IL3RA: variants seen among roughly 807,000 people sequenced by gnomAD.
IL3RA encodes the protein interleukin-3 receptor subunit alpha.
IL3RA carries 73 observed loss-of-function variants against 52.3 expected under a neutral mutation model. That is an observed-to-expected ratio of 1.40 (90% CI 1.16 to 1.70). The LOEUF (loss-of-function observed/expected upper bound fraction) is 1.70, where lower values mean the gene tolerates loss of function less well. Among genes scored for constraint, IL3RA ranks in the 40% most tolerant of loss-of-function variants. The pLI is 0.00. For missense variants in IL3RA, 664 were observed against 504.4 expected (o/e 1.32, Z -3.03); for synonymous variants, 260 against 194.0 (o/e 1.34, Z -2.83).
chrX:1,353,188 GACCCCCC>G, intron 6 of IL3RA, among the ~76,000 whole-genome samples: 1 of 141,892 alleles, frequency 7.0e-6, no homozygotes, highest in Non-Finnish European at 1.5e-5. Context: ...TGGGTCATGG[GACCCCCC>G]ATCATGGGTT....
intron 8 of IL3RA, among the ~76,000 whole-genome samples, chrX:1,362,459 T>C (rs1414541010): frequency 1.3e-5 from 2 of 151,898 alleles, no homozygotes; most frequent in African/African-American, 4.8e-5. Flanking sequence ...TGTCTCTCTC[T>C]GTTTCTATCT....
intron 1 of IL3RA, among the ~76,000 whole-genome samples, chrX:1,337,446 G>A (rs1205340303): frequency 6.6e-6 from 1 of 152,180 alleles, no homozygotes; most frequent in Admixed American, 6.6e-5. Context: ...CAGATGGCTG[G>A]TGAAACCTCA....
intron 2 of IL3RA, among the ~76,000 whole-genome samples, chrX:1,344,972 C>G (rs1337569073): frequency 6.8e-6 from 1 of 146,820 alleles, no homozygotes; most frequent in African/African-American, 2.5e-5. Flanking sequence ...ACCATCCTGG[C>G]TAACACGGTG....
At position 1,377,632 on chromosome X, in the gene IL3RA, C is replaced by T. The variant is rs765919607; in HGVS notation, c.875-1027C>T. 4.6e-5 allele frequency among the ~76,000 whole-genome samples: 7 copies of T among 150,986 alleles called. No homozygotes were observed. In the East Asian group the frequency reaches 1.4e-3, roughly 30 times the overall value. ...CCACCCTCGTTCCAAATAAGGTTAT[C>T]GTCATAGGTTCTGGGGGTGAGGTCA... On this transcript the variant is annotated intron_variant, in intron 9 of 11. Transcript: ENST00000331035.
At chrX:1,362,266 G>T (rs1325446205) in intron 8 of IL3RA, among the ~76,000 whole-genome samples, 2 of 145,702 alleles carry the variant, frequency 1.4e-5, no homozygotes, top group African/African-American at 5.2e-5. Context: ...CTGTTTTTCT[G>T]TCTCTTTTTC....
intron 2 of IL3RA, 25 bp from the exon 3 acceptor site, chrX:1,345,291 G>T (rs17884006): frequency 0.56 from 863,766 of 1,529,642 alleles, 246,390 homozygotes; most frequent in African/African-American, 0.75. Flanking sequence ...GTATCTCTTC[G>T]AACTCCAACC....
At chrX:1,348,221 C>T (rs754782990) in intron 3 of IL3RA, among the ~76,000 whole-genome samples, 18 of 150,312 alleles carry the variant, frequency 1.2e-4, no homozygotes, top group Non-Finnish European at 2.5e-4. Context: ...GGCGTGGTGG[C>T]GGGCACCTGT....
At chrX:1,358,640 C>CTGCATTCCTGCCACACCTGA (rs2086919874) in intron 7 of IL3RA, among the ~76,000 whole-genome samples, 1 of 152,164 alleles carries the variant, frequency 6.6e-6, no homozygotes, top group African/African-American at 2.4e-5. Flanking sequence ...GCCTGGGTGA[C>CTGCATTCCTGCCACACCTGA]GGAGTGAGAC....
intron 1 of IL3RA, among the ~76,000 whole-genome samples, chrX:1,341,485 C>T (rs1407790358): frequency 2.6e-5 from 4 of 152,168 alleles, no homozygotes; most frequent in African/African-American, 9.7e-5. Context: ...GGCATGCACA[C>T]ATATAGACCC....
intron 3 of IL3RA, among the ~76,000 whole-genome samples, chrX:1,346,272 C>G (rs1389837738): frequency 6.6e-6 from 1 of 151,764 alleles, no homozygotes; most frequent in Non-Finnish European, 1.5e-5. Context: ...AACCCCGCCT[C>G]CACTAAAAAT....
At chrX:1,378,535 C>A (rs1161294892) in intron 9 of IL3RA, 124 bp from the exon 10 acceptor site, 1 of 786,968 alleles carries the variant, frequency 1.3e-6, no homozygotes, top group African/African-American at 1.7e-5. Context: ...TGGGGTGTCC[C>A]CCCCTGGACG....
intron 10 of IL3RA, among the ~76,000 whole-genome samples, chrX:1,380,672 GGGTGGAGGA>G (rs1199736283): frequency 8.9e-6 from 1 of 112,954 alleles, no homozygotes; most frequent in African/African-American, 3.4e-5. Flanking sequence ...AGGGGGGAAG[GGGTGGAGGA>G]GGGAGGAAAA....
Position 1,370,205 on chromosome X carries a change from C to T in IL3RA, c.874+4953C>T, listed in dbSNP as rs1375903302. ...GATCTCAGACCTCCAGCCTCCAGGG[C>T]TGTGGGAGAATCAGTGTTTTGTTTC... On this transcript the variant is annotated intron_variant, in intron 9 of 11. Coordinates refer to ENST00000331035, the MANE Select transcript of IL3RA (RefSeq NM_002183.4). Among the ~76,000 whole-genome samples, 11 of 49,448 alleles carry T rather than the reference C, an allele frequency of 2.2e-4. 3 individuals are homozygous for T. The highest frequency in any genetic ancestry group is 2.9e-4 in the Non-Finnish European group (9 of 31,530). 32.4% of individuals were successfully genotyped at this position (49,448 alleles called of 152,430 possible). A position where few individuals can be genotyped will look rare whatever the true frequency, so the allele number is the denominator to read the frequency against.
Position 1,365,135 on chromosome X carries a change from C to T in IL3RA, c.760-3C>T. On this transcript the variant is annotated splice_region_variant and splice_polypyrimidine_tract_variant and intron_variant, in intron 8 of 11. Transcript: ENST00000331035. ...CTCTTCTTTATTTTCTTTCAAACCACAGGTCAGAGACAGAACCTCCTTCCA... is the reference window on the plus strand; with the variant it reads ...CTCTTCTTTATTTTCTTTCAAACCATAGGTCAGAGACAGAACCTCCTTCCA... The T allele has an allele frequency of 6.2e-7, 1 of 1,602,560 alleles. No homozygotes were observed. Among genetic ancestry groups the T allele is most frequent in the Non-Finnish European group, 8.5e-7 (1 of 1,171,480 alleles).
chrX:1,377,666 T>C (rs1458642321), intron 9 of IL3RA, among the ~76,000 whole-genome samples: 1 of 149,280 alleles, frequency 6.7e-6, no homozygotes, highest in Non-Finnish European at 1.5e-5. Context: ...CATAGATGTA[T>C]GTTTTTTTTT....
chrX:1,358,607 C>A (rs1477662091), intron 7 of IL3RA, among the ~76,000 whole-genome samples: 1 of 152,106 alleles, frequency 6.6e-6, no homozygotes, highest in African/African-American at 2.4e-5. Context: ...TGCAGTGAGC[C>A]GAGATCACGC....
At position 1,345,410 on chromosome X, in the gene IL3RA, TAAAGAC is replaced by T. The variant is rs1289178932; in HGVS notation, c.160_165del (p.Lys54_Asp55del). The T allele has an allele frequency of 7.5e-6, 12 of 1,606,128 alleles. No individual in the cohort carries two copies. The highest frequency in any genetic ancestry group is 1.0e-5 in the Non-Finnish European group (12 of 1,174,808). On this transcript the variant is annotated inframe_deletion, in exon 3 of 12. Coordinates refer to ENST00000331035, the MANE Select transcript of IL3RA (RefSeq NM_002183.4). ...GAAATGTGACCGATATCGAGTGTGT[TAAAGAC>T]GCCGACTATTCTATGCCGGTAAATC...
At chrX:1,345,957 A>T (rs1159596771) in intron 3 of IL3RA, among the ~76,000 whole-genome samples, 1 of 151,948 alleles carries the variant, frequency 6.6e-6, no homozygotes, top group Admixed American at 6.6e-5. Context: ...GGGACATCTA[A>T]GATGGCACAC....
Position 1,381,041 on chromosome X carries a change from ACT to A in IL3RA, c.1002_1003del (p.Phe335SerfsTer12). On this transcript the variant is annotated frameshift_variant, in exon 11 of 12. Transcript: ENST00000331035. LOFTEE classifies it high-confidence loss of function. The stretch of plus-strand genomic sequence containing the variant: ...CTCCGAGGTATCTGGTGATGCAGAG[ACT>A]CTTTCCCCGCATCCCTCACATGAAA... ...ICRRYLVMQR[L>X]FPRIPHMKDP... 9 of 1,613,368 alleles carry A rather than the reference ACT, an allele frequency of 5.6e-6. No individual in the cohort carries two copies. In the Middle Eastern group the frequency reaches 5.0e-4, roughly 89 times the overall value.
Sources: gnomAD v4.1 joint callset for allele counts (sites outside exome capture counted in the v4.1 genomes callset) on GRCh38, gnomAD v4.1.1 for gene constraint, MANE v1.5 for transcripts, NCBI Gene and HGNC (gene_info 2026-07-23, HGNC 2026-07-21) for gene names.